Variants in VPS13A observed in about 807,000 individuals in gnomAD.
The protein encoded by VPS13A is vacuolar protein sorting 13 homolog A.
In VPS13A, 264 loss-of-function variants were observed where a neutral mutation model predicts 390.9. The ratio of observed to expected loss-of-function variants is 0.68; its 90% CI spans 0.61 to 0.75. VPS13A has a LOEUF of 0.75. VPS13A is among the 30% of genes least tolerant of loss of function. VPS13A has a pLI of 0.00. For synonymous variants in VPS13A, 1,231 were observed against 1,227.1 expected, an observed-to-expected ratio of 1.00 and a Z score of -0.07; for missense variants, 3,409 against 3,733.9, an observed-to-expected ratio of 0.91 and a Z score of 2.27.
intron 1 of VPS13A, among the ~76,000 whole-genome samples, chr9:77,198,718 C>T (rs1451996153): frequency 6.6e-6 from 1 of 152,060 alleles, no homozygotes; most frequent in Non-Finnish European, 1.5e-5. Flanking sequence ...GGCTGGAGTG[C>T]AGTGGCGTGA....
chr9:77,304,696 CA>C (rs1465286904), intron 34 of VPS13A, among the ~76,000 whole-genome samples: 2 of 152,126 alleles, frequency 1.3e-5, no homozygotes, highest in Admixed American at 6.5e-5. Context: ...TATTGGTTGA[CA>C]TTGCTTCAAA....
At chr9:77,308,133 CTCTT>C (rs1185647304) in intron 35 of VPS13A, 35 bp downstream of exon 35, 1 of 1,607,348 alleles carries the variant, frequency 6.2e-7, no homozygotes, top group Non-Finnish European at 8.5e-7. Flanking sequence ...TTCTGCTTTC[CTCTT>C]TCTCTCTTTT....
intron 53 of VPS13A, among the ~76,000 whole-genome samples, chr9:77,352,053 TATAA>T (rs886924263): frequency 5.9e-5 from 9 of 152,302 alleles, no homozygotes; most frequent in African/African-American, 2.2e-4. Flanking sequence ...TCTACTGTGT[TATAA>T]AGAATAAAGT....
At chr9:77,244,346 T>C (rs1052482339) in intron 19 of VPS13A, among the ~76,000 whole-genome samples, 1 of 144,216 alleles carries the variant, frequency 6.9e-6, no homozygotes, top group Non-Finnish European at 1.5e-5. Flanking sequence ...CCACACTTTG[T>C]TGGGAGAAGG....
intron 21 of VPS13A, among the ~76,000 whole-genome samples, 169 bp downstream of exon 21, chr9:77,250,398 C>T (rs940575653): frequency 6.6e-6 from 1 of 152,106 alleles, no homozygotes; most frequent in African/African-American, 2.4e-5. Context: ...TCTTGCCCCC[C>T]CAAGAGACAT....
At chr9:77,253,883 T>A (rs1439312774) in intron 22 of VPS13A, among the ~76,000 whole-genome samples, 2 of 151,544 alleles carry the variant, frequency 1.3e-5, no homozygotes, top group African/African-American at 4.8e-5. Context: ...AGATCTTTGA[T>A]CCATTGAGTT....
At chr9:77,349,962 C>T (rs1831367448) in intron 52 of VPS13A, among the ~76,000 whole-genome samples, 1 of 152,054 alleles carries the variant, frequency 6.6e-6, no homozygotes, top group Non-Finnish European at 1.5e-5. Flanking sequence ...CTTCTAATAA[C>T]GATCCTCAAC....
chr9:77,317,354 G>C (rs929277304), intron 39 of VPS13A, among the ~76,000 whole-genome samples: 11 of 151,866 alleles, frequency 7.2e-5, no homozygotes, highest in African/African-American at 2.7e-4. Context: ...GTAAAGGTTG[G>C]AGACTGTGGT....
rs143396145 is a variant in VPS13A at position 77,247,788 on chromosome 9, G to A, written c.2037+393G>A. On this transcript the variant is annotated intron_variant, in intron 20 of 71. Coordinates refer to ENST00000360280, the MANE Select transcript of VPS13A (RefSeq NM_033305.3). ...TGATTCTCAGGCCTCAGCCTCCTGA[G>A]TATCTGGGATTACATGTGCCCGCCA... Among the ~76,000 whole-genome samples the A allele has an allele frequency of 1.8e-3, 268 of 152,244 alleles. 2 individuals are homozygous for A. Among genetic ancestry groups the A allele is most frequent in the African/African-American group, 5.8e-3 (242 of 41,546 alleles).
rs1345234697 is a variant in VPS13A at position 77,368,123 on chromosome 9, A to G, written c.8540A>G (p.His2847Arg). The part of the protein sequence containing the change: ...TSDLQSEVIR[H>R]YSKQAIKQMY... The stretch of plus-strand genomic sequence containing the variant: ...GATCTACAGTCTGAAGTCATAAGAC[A>G]CTATTCAAAACAGGTTTGTCTAAGA... Residue 2847 changes from histidine (H) to arginine (R), a missense_variant, in exon 62 of 72, where the codon CAC (histidine) becomes CGC (arginine). His to Arg is a conservative substitution (Grantham distance 29). Coordinates refer to ENST00000360280, the MANE Select transcript of VPS13A (RefSeq NM_033305.3). 2.5e-6 allele frequency: 4 copies of G among 1,611,676 alleles called. No individual in the cohort carries two copies. Among genetic ancestry groups the G allele is most frequent in the Non-Finnish European group, 3.4e-6 (4 of 1,179,064 alleles).
rs1825713668 is a variant in VPS13A, at chr9:77,207,241, ATATATATATAT to A, written c.385+1163_385+1173del. ...TATATATATATATATATATATATATATATATATATATAAAACGTGTTATATGTAACATAACA... is the reference window on the plus strand; with the variant it reads ...TATATATATATATATATATATATATAAAAACGTGTTATATGTAACATAACA... On this transcript the variant is annotated intron_variant, in intron 5 of 71. Coordinates refer to ENST00000360280, the MANE Select transcript of VPS13A (RefSeq NM_033305.3). 5.4e-5 allele frequency among the ~76,000 whole-genome samples: 6 copies of A among 110,878 alleles called. 1 individual carries two copies. The South Asian group carries it at 8.5e-4, about 16-fold the overall frequency. 72.7% of individuals were successfully genotyped at this position (110,878 alleles called of 152,430 possible).
chr9:77,221,337 A>G lies in VPS13A; in HGVS notation c.1142A>G (p.Glu381Gly), dbSNP rs1823200591. The change falls in exon 13 of 72, where the codon GAA (glutamate) becomes GGA (glycine). Residue 381 changes from glutamate to glycine, a missense_variant. Glu to Gly is a moderately conservative substitution (Grantham distance 98). This residue lies in a region of VPS13A where 2,717 missense variants were observed against 2,917.4 expected (regional missense o/e 0.93). Transcript: ENST00000360280. ...KKLTSKKPPG[E>G]LLVSLEELEK... ...TTAACAAGTAAGAAGCCACCTGGTG[A>G]ACTTCTCGTGTCTTTGGAGGTTAGC... 1 of 1,612,874 alleles carries G rather than the reference A, an allele frequency of 6.2e-7. No individual in the cohort carries two copies. The highest frequency in any genetic ancestry group is 8.5e-7 in the Non-Finnish European group (1 of 1,179,412).
chr9:77,302,973 C>T lies in VPS13A; in HGVS notation c.3871C>T (p.Leu1291Phe), dbSNP rs1828469560. Residue 1291 changes from leucine (L) to phenylalanine (F), a missense_variant, in exon 34 of 72, where the codon CTT becomes TTT. This residue lies in a region of VPS13A where 2,717 missense variants were observed against 2,917.4 expected (regional missense o/e 0.93). Transcript: ENST00000360280. ...EVLDLLLPLN[L>F]EVVVERNLCW... is the part of the protein sequence containing the mutation. The stretch of plus-strand genomic sequence containing the variant: ...ACTGGATCTACTCCTGCCATTAAAT[C>T]TTGAGGTTGTGGTTGAACGAAATTT... The T allele has an allele frequency of 1.9e-6, 3 of 1,613,940 alleles. No homozygotes were observed. Among genetic ancestry groups the T allele is most frequent in the Non-Finnish European group, 2.5e-6 (3 of 1,179,938 alleles).
intron 68 of VPS13A, among the ~76,000 whole-genome samples, chr9:77,386,698 TATTTTTTTTTTTTA>T (rs1833699456): frequency 7.9e-6 from 1 of 127,174 alleles, no homozygotes; most frequent in Admixed American, 8.3e-5. Flanking sequence ...ATGTGCTCTT[TATTTTTTTTTTTTA>T]ATTTTTTTTT....
At chr9:77,268,334 A>G (rs1003450536) in intron 23 of VPS13A, among the ~76,000 whole-genome samples, 3 of 152,120 alleles carry the variant, frequency 2.0e-5, no homozygotes, top group African/African-American at 7.2e-5. Flanking sequence ...GGAAAAGTGT[A>G]GTATCTGGGC....
intron 3 of VPS13A, 41 bp downstream of exon 3, chr9:77,201,448 A>G: frequency 6.7e-7 from 1 of 1,498,998 alleles, no homozygotes; most frequent in Non-Finnish European, 9.3e-7. Flanking sequence ...CTTCCTGGAC[A>G]TGCAGCCAGA....
chr9:77,267,200 C>T (rs1456827314), intron 23 of VPS13A, among the ~76,000 whole-genome samples: 1 of 152,062 alleles, frequency 6.6e-6, no homozygotes, highest in Non-Finnish European at 1.5e-5. Flanking sequence ...CAGTTTTGTT[C>T]CCTTGCTGGC....
At chr9:77,247,960 G>A (rs750824872) in intron 20 of VPS13A, among the ~76,000 whole-genome samples, 4 of 150,430 alleles carry the variant, frequency 2.7e-5, no homozygotes, top group Non-Finnish European at 4.5e-5. Context: ...CGCCTGGCCC[G>A]AATCTAAGAT....
intron 46 of VPS13A, 147 bp from the exon 47 acceptor site, chr9:77,337,104 TCTTA>T: frequency 1.1e-6 from 1 of 874,672 alleles, no homozygotes; most frequent in South Asian, 1.8e-5. Context: ...GCCTTATCTA[TCTTA>T]CTTATATCGT....
Sources: allele counts gnomAD v4.1 joint callset (sites outside exome capture counted in the v4.1 genomes callset), GRCh38; gene constraint gnomAD v4.1.1; regional missense constraint gnomAD v4.1.1; transcripts MANE v1.5; gene names NCBI Gene and HGNC (gene_info 2026-07-23, HGNC 2026-07-21).